The following GALNTL6 variants were observed in gnomAD, a reference collection of about 807,000 sequenced individuals.
GALNTL6 encodes the protein polypeptide N-acetylgalactosaminyltransferase like 6.
A neutral mutation model predicts 73.7 loss-of-function variants in GALNTL6; 46 were observed. That is an observed-to-expected ratio of 0.62 (90% CI 0.49 to 0.80). GALNTL6 has a LOEUF of 0.80. Among genes scored for constraint, GALNTL6 ranks in the 30% least tolerant of loss-of-function variants. The pLI is 0.00. For missense variants in GALNTL6, 604 were observed against 755.0 expected (o/e 0.80, Z 2.34); for synonymous variants, 259 against 263.7 (o/e 0.98, Z 0.17).
intron 3 of GALNTL6, among the ~76,000 whole-genome samples, chr4:172,265,619 T>A (rs1240749893): frequency 6.6e-6 from 1 of 152,056 alleles, no homozygotes; most frequent in African/African-American, 2.4e-5. Flanking sequence ...TTATGATATA[T>A]TATCTAAGAT....
At chr4:171,900,201 A>G (rs116170251) in intron 2 of GALNTL6, among the ~76,000 whole-genome samples, 1,885 of 152,322 alleles carry the variant, frequency 0.012, 43 homozygotes, top group African/African-American at 0.043. Flanking sequence ...GGGTTTAAGT[A>G]GAAAAATGTT....
chr4:172,537,648 A>C (rs1024599100), intron 5 of GALNTL6, among the ~76,000 whole-genome samples: 2 of 152,164 alleles, frequency 1.3e-5, no homozygotes, highest in Admixed American at 6.5e-5. Context: ...GTGTTTGTCT[A>C]AGTTTTTTTT....
In GALNTL6 at chr4:171,836,443, T is replaced by C. The variant is rs75887473; in HGVS notation, c.138+21725T>C. Reference sequence around the variant, plus strand: ...AGAAATACTTTAGACAATAAAAAGATATGAAAGAATAGAATGATAATATTT... The same window carrying C: ...AGAAATACTTTAGACAATAAAAAGACATGAAAGAATAGAATGATAATATTT... On this transcript the variant is annotated intron_variant, in intron 2 of 12. Coordinates refer to ENST00000506823, the MANE Select transcript of GALNTL6 (RefSeq NM_001034845.3). Among the ~76,000 whole-genome samples the C allele has an allele frequency of 7.8e-3, 1,190 of 152,172 alleles. 20 individuals carry two copies. The highest frequency in any genetic ancestry group is 0.027 in the African/African-American group (1,130 of 41,528).
chr4:172,524,406 G>A (rs1377704316), intron 5 of GALNTL6, among the ~76,000 whole-genome samples: 4 of 152,074 alleles, frequency 2.6e-5, no homozygotes, highest in Admixed American at 2.6e-4. Flanking sequence ...GCGCCACCAT[G>A]CCCGGCTAAT....
chr4:173,033,862 A>G (rs1278079580), intron 12 of GALNTL6, among the ~76,000 whole-genome samples: 2 of 152,170 alleles, frequency 1.3e-5, no homozygotes, highest in African/African-American at 4.8e-5. Context: ...ACTTACATGG[A>G]AATTGATAGG....
intron 10 of GALNTL6, among the ~76,000 whole-genome samples, chr4:172,970,489 T>C: frequency 6.6e-6 from 1 of 152,218 alleles, no homozygotes; most frequent in East Asian, 1.9e-4. Flanking sequence ...TATTCCTTGC[T>C]AGGAGAAGAA....
intron 2 of GALNTL6, among the ~76,000 whole-genome samples, chr4:172,209,829 A>T (rs1010681789): frequency 4.6e-5 from 7 of 152,076 alleles, no homozygotes; most frequent in African/African-American, 1.2e-4. Context: ...TCTATTTCCC[A>T]GCCAAGCTGG....
At chr4:172,779,965 G>A (rs1431695912) in intron 5 of GALNTL6, among the ~76,000 whole-genome samples, 1 of 152,148 alleles carries the variant, frequency 6.6e-6, no homozygotes, top group Non-Finnish European at 1.5e-5. Flanking sequence ...TCGTTCCTCT[G>A]TTCTCAAACT....
intron 8 of GALNTL6, among the ~76,000 whole-genome samples, chr4:172,913,053 C>A (rs1241021807): frequency 1.3e-5 from 2 of 152,314 alleles, no homozygotes; most frequent in African/African-American, 4.8e-5. Flanking sequence ...ATTTGCCGTT[C>A]TGCAATATTT....
chr4:172,236,004 G>A (rs973007005), intron 3 of GALNTL6, among the ~76,000 whole-genome samples: 51 of 152,142 alleles, frequency 3.4e-4, no homozygotes, highest in African/African-American at 1.1e-3. Flanking sequence ...TTTTATGGCC[G>A]CATAGTATTC....
rs1420282354 is a variant in GALNTL6 at position 172,165,131 on chromosome 4, G to A, written c.139-64525G>A. Reference sequence around the variant, plus strand: ...TGTTTCTAAGTTTTCTGTAACCTTTGATTATCTCTTCATTGATTGTGCCAT... The same window carrying A: ...TGTTTCTAAGTTTTCTGTAACCTTTAATTATCTCTTCATTGATTGTGCCAT... On this transcript the variant is annotated intron_variant, in intron 2 of 12. Transcript: ENST00000506823. Among the ~76,000 whole-genome samples the A allele has an allele frequency of 3.3e-5, 5 of 151,994 alleles. No homozygotes were observed. The East Asian group carries it at 7.7e-4, about 23-fold the overall frequency.
intron 5 of GALNTL6, among the ~76,000 whole-genome samples, chr4:172,703,108 G>C (rs564038784): frequency 2.0e-5 from 3 of 151,850 alleles, no homozygotes; most frequent in South Asian, 4.1e-4. Context: ...CAATAAAATG[G>C]TAAAAGTAGG....
chr4:172,548,135 T>C (rs1328916666), intron 5 of GALNTL6, among the ~76,000 whole-genome samples: 1 of 150,142 alleles, frequency 6.7e-6, no homozygotes, highest in East Asian at 2.0e-4. Context: ...TGTGGGTTTT[T>C]GGGTTTTGGT....
chr4:171,932,114 T>A (rs965775413), intron 2 of GALNTL6, among the ~76,000 whole-genome samples: 5 of 152,138 alleles, frequency 3.3e-5, no homozygotes, highest in Admixed American at 1.3e-4. Flanking sequence ...TAAGGATATT[T>A]TTTGTGAGGG....
chr4:171,911,985 G>A (rs1485620271), intron 2 of GALNTL6, among the ~76,000 whole-genome samples: 4 of 151,894 alleles, frequency 2.6e-5, no homozygotes, highest in Admixed American at 2.6e-4. Context: ...CTAATAATAG[G>A]TTCTTGATAT....
intron 5 of GALNTL6, among the ~76,000 whole-genome samples, chr4:172,509,509 A>G (rs13113410): frequency 0.87 from 46,942 of 54,188 alleles, 22,915 homozygotes; most frequent in Non-Finnish European, 1. Flanking sequence ...GTTCTTGGCC[A>G]TGAAGTCTTT....
chr4:172,500,173 C>A (rs564954784), intron 5 of GALNTL6, among the ~76,000 whole-genome samples: 1 of 152,296 alleles, frequency 6.6e-6, no homozygotes, highest in East Asian at 1.9e-4. Flanking sequence ...ATAATCCAAG[C>A]ACTTTGGGAA....
At chr4:172,736,328 C>T (rs982581256) in intron 5 of GALNTL6, among the ~76,000 whole-genome samples, 4 of 152,198 alleles carry the variant, frequency 2.6e-5, no homozygotes, top group Non-Finnish European at 4.4e-5. Context: ...CAGGGCTGTT[C>T]CTTGCTGAGA....
chr4:171,871,499 AC>A (rs1172148948), intron 2 of GALNTL6, among the ~76,000 whole-genome samples: 1 of 152,046 alleles, frequency 6.6e-6, no homozygotes, highest in African/African-American at 2.4e-5. Flanking sequence ...CATTCCCCCC[AC>A]CCCAACTAGA....
Sources: gnomAD v4.1 joint callset for allele counts (sites outside exome capture counted in the v4.1 genomes callset) on GRCh38, gnomAD v4.1.1 for gene constraint, MANE v1.5 for transcripts, NCBI Gene and HGNC (gene_info 2026-07-23, HGNC 2026-07-21) for gene names.